The following PIK3CB variants were observed in gnomAD, a reference collection of about 807,000 sequenced individuals.
The protein encoded by PIK3CB is phosphatidylinositol-4,5-bisphosphate 3-kinase catalytic subunit beta.
PIK3CB carries 39 observed loss-of-function variants against 136.8 expected under a neutral mutation model. That is an observed-to-expected ratio of 0.29 (90% CI 0.22 to 0.37). The LOEUF (loss-of-function observed/expected upper bound fraction) is 0.37, where lower values mean the gene tolerates loss of function less well. Among genes scored for constraint, PIK3CB ranks in the 10% least tolerant of loss-of-function variants. The pLI, the probability that PIK3CB is intolerant of heterozygous loss-of-function variation, is 1.00. For missense variants in PIK3CB, 868 were observed against 1,275.4 expected (o/e 0.68, Z 4.87); for synonymous variants, 428 against 436.6 (o/e 0.98, Z 0.25).
chr3:138,679,251 AT>A (rs1202568883), intron 19 of PIK3CB, among the ~76,000 whole-genome samples: 3 of 152,200 alleles, frequency 2.0e-5, no homozygotes, highest in Admixed American at 6.5e-5. Context: ...ACTTGATACA[AT>A]AACAACACAA....
chr3:138,734,772 C>A lies in PIK3CB; in HGVS notation c.834G>T (p.Leu278=), dbSNP rs1175259948. 6.2e-7 allele frequency: 1 copy of A among 1,613,128 alleles called. No homozygotes were observed. The highest frequency in any genetic ancestry group is 8.5e-7 in the Non-Finnish European group (1 of 1,179,546). Residue 278 remains leucine, a synonymous_variant, in exon 7 of 24, where the codon CTG becomes CTT. Coordinates refer to ENST00000674063, the MANE Select transcript of PIK3CB (RefSeq NM_006219.3). Reference sequence around the variant, plus strand: ...AGCATTCCACAAGTATAAAATGGGGCAGGGCTCTGTTCATCACACAGTTCC... The same window carrying A: ...AGCATTCCACAAGTATAAAATGGGGAAGGGCTCTGTTCATCACACAGTTCC... The part of the protein sequence containing the change: ...YIRNCVMNRA[L]PHFILVECCK...
At chr3:138,778,645 G>A (rs552350509) in intron 2 of PIK3CB, 92 of 204,598 alleles carry the variant, frequency 4.5e-4, no homozygotes, top group Non-Finnish European at 2.8e-4. Flanking sequence ...GGGCTACTCT[G>A]AGTACCAGGT....
chr3:138,722,091 T>C (rs2108606914), intron 8 of PIK3CB, among the ~76,000 whole-genome samples: 1 of 151,638 alleles, frequency 6.6e-6, no homozygotes, highest in Non-Finnish European at 1.5e-5. Flanking sequence ...CAGGATCTAA[T>C]ATTATACACA....
intron 3 of PIK3CB, 150 bp from the exon 4 acceptor site, chr3:138,756,129 T>C (rs564445279): frequency 2.8e-4 from 132 of 475,144 alleles, no homozygotes; most frequent in African/African-American, 2.2e-3. Context: ...AAATGAATTA[T>C]AGAATATTAC....
In PIK3CB at chr3:138,785,300, G is replaced by A. The variant is rs553071650; in HGVS notation, c.-17+11163C>T. On this transcript the variant is annotated intron_variant, in intron 2 of 23. Transcript: ENST00000674063. ...GGTGGGGGGGCGCCTCTGCCAGGCC[G>A]CCGCCCTGTCTGGGAGGTGTACCCA... Among the ~76,000 whole-genome samples the A allele has an allele frequency of 2.8e-3, 429 of 152,230 alleles. 3 individuals carry two copies. Among genetic ancestry groups the A allele is most frequent in the Admixed American group, 5.5e-3 (84 of 15,304 alleles).
chr3:138,770,163 G>A (rs1359030784), intron 2 of PIK3CB: 2 of 152,158 alleles, frequency 1.3e-5, no homozygotes, highest in African/African-American at 2.4e-5. Context: ...TTTCAAGGAA[G>A]CTATCAGAGG....
chr3:138,758,462 T>C (rs578168081), intron 3 of PIK3CB, among the ~76,000 whole-genome samples: 1 of 152,348 alleles, frequency 6.6e-6, no homozygotes, highest in East Asian at 1.9e-4. Context: ...TACTTGTCAC[T>C]GGTGACTATA....
intron 2 of PIK3CB, among the ~76,000 whole-genome samples, chr3:138,776,161 GCA>G (rs974146246): frequency 6.6e-6 from 1 of 152,034 alleles, no homozygotes; most frequent in Non-Finnish European, 1.5e-5. Context: ...TTGCACCATT[GCA>G]CTCCAGCCTG....
At chr3:138,762,252 A>T (rs1198487416) in intron 2 of PIK3CB, among the ~76,000 whole-genome samples, 1 of 152,192 alleles carries the variant, frequency 6.6e-6, no homozygotes, top group African/African-American at 2.4e-5. Flanking sequence ...TCCATCTCAA[A>T]AAAAACAAAA....
chr3:138,667,757 G>A (rs1467884226), intron 19 of PIK3CB, among the ~76,000 whole-genome samples: 5 of 151,230 alleles, frequency 3.3e-5, no homozygotes, highest in South Asian at 2.1e-4. Context: ...TAGTAGAGAC[G>A]GGGTATGCTT....
intron 4 of PIK3CB, among the ~76,000 whole-genome samples, chr3:138,753,863 C>A (rs2045517846): frequency 1.3e-5 from 2 of 152,088 alleles, no homozygotes; most frequent in African/African-American, 4.8e-5. Context: ...TTTGGATTAA[C>A]AAATATTTTA....
intron 2 of PIK3CB, among the ~76,000 whole-genome samples, chr3:138,768,996 T>A (rs907014892): frequency 6.6e-6 from 1 of 152,024 alleles, no homozygotes; most frequent in Non-Finnish European, 1.5e-5. Context: ...GGGGGGCCAA[T>A]GGCAAGGAGT....
intron 14 of PIK3CB, among the ~76,000 whole-genome samples, chr3:138,693,960 TA>T (rs1206938080): frequency 5.9e-5 from 2 of 33,966 alleles, no homozygotes; most frequent in African/African-American, 4.7e-4. Context: ...TATATATATA[TA>T]TATATTATAT....
chr3:138,815,524 A>T (rs920685197), intron 1 of PIK3CB, among the ~76,000 whole-genome samples: 5 of 152,068 alleles, frequency 3.3e-5, no homozygotes, highest in Non-Finnish European at 7.4e-5. Context: ...TTACATTGAC[A>T]CAATACAAAG....
intron 1 of PIK3CB, chr3:138,825,719 T>C (rs1171989424): frequency 7.4e-6 from 5 of 675,680 alleles, no homozygotes; most frequent in East Asian, 2.5e-5. Flanking sequence ...ACTGGTGATA[T>C]TGGTACTGTG....
chr3:138,822,990 G>A (rs1425490425), intron 1 of PIK3CB, among the ~76,000 whole-genome samples: 5 of 141,840 alleles, frequency 3.5e-5, no homozygotes, highest in East Asian at 4.6e-4. Context: ...GCGTGATCTC[G>A]GCTCACTGCA....
At chr3:138,701,230 AAAAC>A (rs1307764708) in intron 12 of PIK3CB, among the ~76,000 whole-genome samples, 6 of 151,946 alleles carry the variant, frequency 3.9e-5, no homozygotes, top group Admixed American at 2.0e-4. Flanking sequence ...AAAAAAACAA[AAAAC>A]AAACAAACAA....
At chr3:138,757,675 A>G (rs2045597210) in intron 3 of PIK3CB, among the ~76,000 whole-genome samples, 1 of 137,998 alleles carries the variant, frequency 7.2e-6, no homozygotes, top group African/African-American at 2.7e-5. Context: ...GGAGGTAGGA[A>G]AAGAGGGAGG....
chr3:138,653,230 A>C lies in PIK3CB; in HGVS notation c.*2159T>G, dbSNP rs966184892. The C allele has an allele frequency of 3.1e-4, 55 of 178,994 alleles. No individual in the cohort carries two copies. The East Asian group carries it at 5.1e-3, about 17-fold the overall frequency. The allele number at this position is 178,994 out of a possible 1,614,324, so 11.1% of individuals were successfully genotyped here. ...CATAGATTTCTATTTGTGGAACCCAATAAATCTGAAATGTATACTGAGGCA... is the reference window on the plus strand; with the variant it reads ...CATAGATTTCTATTTGTGGAACCCACTAAATCTGAAATGTATACTGAGGCA... On this transcript the variant is annotated 3_prime_UTR_variant, in exon 24 of 24. Transcript: ENST00000674063.
Sources: allele counts gnomAD v4.1 joint callset (sites outside exome capture counted in the v4.1 genomes callset), GRCh38; gene constraint gnomAD v4.1.1; transcripts MANE v1.5; gene names NCBI Gene and HGNC (gene_info 2026-07-23, HGNC 2026-07-21).